FGF14: variants seen among roughly 807,000 people sequenced by gnomAD.
FGF14 encodes the protein fibroblast growth factor homologous factor 4.
A neutral mutation model predicts 25.5 loss-of-function variants in FGF14; 5 were observed. The observed-to-expected ratio is 0.20, with a 90% CI of 0.10 to 0.41. The LOEUF is 0.41. Among genes scored for constraint, FGF14 ranks in the 10% least tolerant of loss-of-function variants. The pLI is 1.00. For missense variants in FGF14, 222 were observed against 320.1 expected (o/e 0.69, Z 2.34); for synonymous variants, 138 against 118.3 (o/e 1.17, Z -1.08).
chr13:101,938,598 T>C (rs1341575620), intron 1 of FGF14, among the ~76,000 whole-genome samples: 2 of 152,224 alleles, frequency 1.3e-5, no homozygotes, highest in Non-Finnish European at 2.9e-5. Flanking sequence ...TTCCCTTTTA[T>C]AAATTAATGA....
At chr13:102,220,663 A>AT (rs1489519311) in intron 1 of FGF14, among the ~76,000 whole-genome samples, 1 of 152,152 alleles carries the variant, frequency 6.6e-6, no homozygotes, top group Non-Finnish European at 1.5e-5. Context: ...CATTATATAC[A>AT]TTTTTCAAAA....
intron 1 of FGF14, 126 bp downstream of exon 1, chr13:101,916,327 C>G: frequency 8.3e-7 from 1 of 1,200,948 alleles, no homozygotes; most frequent in Non-Finnish European, 1.2e-6. Flanking sequence ...ACCCAGAGTG[C>G]TCAGAAGGGA....
At chr13:101,811,450 T>C (rs2140182467) in intron 3 of FGF14, among the ~76,000 whole-genome samples, 1 of 152,320 alleles carries the variant, frequency 6.6e-6, no homozygotes, top group Admixed American at 6.5e-5. Flanking sequence ...ATAACTCACT[T>C]CCTTTTAGTG....
chr13:102,279,586 A>T (rs2053725211), intron 1 of FGF14, among the ~76,000 whole-genome samples: 1 of 152,156 alleles, frequency 6.6e-6, no homozygotes, highest in Non-Finnish European at 1.5e-5. Context: ...ATTCTAGTAA[A>T]CGTATGCCAG....
chr13:102,369,748 A>C (rs1252304210), intron 1 of FGF14, among the ~76,000 whole-genome samples: 1 of 152,208 alleles, frequency 6.6e-6, no homozygotes, highest in Admixed American at 6.5e-5. Context: ...CATGAACAGA[A>C]AAATAATGCA....
chr13:101,778,118 G>A (rs919760310), intron 3 of FGF14, among the ~76,000 whole-genome samples: 1 of 152,134 alleles, frequency 6.6e-6, no homozygotes, highest in African/African-American at 2.4e-5. Context: ...AGTCAGTGAG[G>A]CAAAGGAAAG....
At chr13:102,127,978 G>A (rs932881102) in intron 1 of FGF14, among the ~76,000 whole-genome samples, 5 of 152,112 alleles carry the variant, frequency 3.3e-5, no homozygotes, top group Admixed American at 6.6e-5. Context: ...ATCTCGCAGC[G>A]GTGGGGAAGC....
chr13:101,921,104 T>C (rs912065535), upstream of FGF14, among the ~76,000 whole-genome samples: 3 of 152,120 alleles, frequency 2.0e-5, no homozygotes, highest in Non-Finnish European at 4.4e-5. Context: ...GAGTAAGGCA[T>C]GAGCCACCAT....
upstream of FGF14, among the ~76,000 whole-genome samples, chr13:101,917,913 G>A (rs1008948927): frequency 5.9e-5 from 9 of 152,130 alleles, no homozygotes; most frequent in African/African-American, 2.2e-4. Context: ...GAATGTTGAA[G>A]AAGTCAGGGC....
intron 1 of FGF14, among the ~76,000 whole-genome samples, chr13:101,901,081 A>G (rs2031485659): frequency 6.6e-6 from 1 of 152,320 alleles, no homozygotes; most frequent in African/African-American, 2.4e-5. Context: ...GAATGGACAG[A>G]AAGAGGATTA....
intron 1 of FGF14, among the ~76,000 whole-genome samples, chr13:102,066,637 T>A (rs1212329629): frequency 6.6e-6 from 1 of 152,190 alleles, no homozygotes; most frequent in Non-Finnish European, 1.5e-5. Context: ...ATTCAAACAG[T>A]GTTTCCAAAG....
intron 1 of FGF14, among the ~76,000 whole-genome samples, chr13:102,009,143 T>G (rs1337152730): frequency 6.6e-6 from 1 of 152,196 alleles, no homozygotes; most frequent in Admixed American, 6.5e-5. Context: ...TGCTGTATAT[T>G]CATTCAGGCT....
At chr13:102,099,764 GTATT>G (rs1219500539) in intron 1 of FGF14, among the ~76,000 whole-genome samples, 19 of 151,682 alleles carry the variant, frequency 1.3e-4, no homozygotes, top group African/African-American at 2.7e-4. Flanking sequence ...GTGTATATTA[GTATT>G]TATTTAATAA....
At chr13:101,964,008 A>G (rs1283585984) in intron 1 of FGF14, among the ~76,000 whole-genome samples, 1 of 152,226 alleles carries the variant, frequency 6.6e-6, no homozygotes, top group Non-Finnish European at 1.5e-5. Flanking sequence ...GTGGTTTTCA[A>G]ACATGATTTA....
intron 3 of FGF14, among the ~76,000 whole-genome samples, chr13:101,753,634 G>A (rs1219946312): frequency 6.6e-6 from 1 of 151,850 alleles, no homozygotes; most frequent in Non-Finnish European, 1.5e-5. Context: ...GAGAAACCCC[G>A]TCTCTACTAA....
At chr13:102,128,806 G>C (rs561807938) in intron 1 of FGF14, among the ~76,000 whole-genome samples, 1 of 152,258 alleles carries the variant, frequency 6.6e-6, no homozygotes, top group South Asian at 2.1e-4. Flanking sequence ...AATTAGGCTG[G>C]GCAAGGTGAC....
chr13:101,764,793 T>G lies in FGF14; in HGVS notation c.409-37983A>C, dbSNP rs145307113. On this transcript the variant is annotated intron_variant, in intron 3 of 4. Coordinates refer to ENST00000376143, the MANE Select transcript of FGF14 (RefSeq NM_004115.4). Reference sequence around the variant, plus strand: ...AAGCCGGAAAATTTTCAAATAGTCTTTATTTCCAAATAGTCTCAAATGTAC... The same window carrying G: ...AAGCCGGAAAATTTTCAAATAGTCTGTATTTCCAAATAGTCTCAAATGTAC... Among the ~76,000 whole-genome samples the G allele has an allele frequency of 2.5e-3, 378 of 152,354 alleles. 3 individuals carry two copies. Among genetic ancestry groups the G allele is most frequent in the African/African-American group, 8.3e-3 (344 of 41,570 alleles).
At chr13:102,343,611 CAG>C (rs1375086657) in intron 1 of FGF14, among the ~76,000 whole-genome samples, 2 of 151,878 alleles carry the variant, frequency 1.3e-5, no homozygotes, top group Non-Finnish European at 2.9e-5. Flanking sequence ...TGTGATATTA[CAG>C]ACAGTCATAT....
At position 102,400,433 on chromosome 13, in the gene FGF14, G is replaced by C. The variant is rs1398526636; in HGVS notation, c.208+1038C>G. Among the ~76,000 whole-genome samples, 3 of 152,148 alleles carry C rather than the reference G, an allele frequency of 2.0e-5. No individual in the cohort carries two copies. Among genetic ancestry groups the C allele is most frequent in the Non-Finnish European group, 2.9e-5 (2 of 68,026 alleles). On this transcript the variant is annotated intron_variant, in intron 1 of 4. Transcript: ENST00000376131. The surrounding 1 kb of genome is among the most constrained non-coding windows in gnomAD (Gnocchi z 4.3). ...ACGCCACACACTCCCGGCTGCCAGC[G>C]TGAGCGGTTCCGGGAAAGGCTGCGC... is the stretch of plus-strand genomic sequence containing the variant.
Sources: gnomAD v4.1 joint callset for allele counts (sites outside exome capture counted in the v4.1 genomes callset) on GRCh38, gnomAD v4.1.1 for gene constraint, Gnocchi (gnomAD v3.1) non-coding constraint, MANE v1.5 for transcripts, NCBI Gene and HGNC (gene_info 2026-07-23, HGNC 2026-07-21) for gene names.